Variants in PTK2 observed in about 807,000 individuals in gnomAD.
The protein encoded by PTK2 is focal adhesion kinase 1.
In PTK2, 45 loss-of-function variants were observed where a neutral mutation model predicts 150.1. The ratio of observed to expected loss-of-function variants is 0.30; its 90% CI spans 0.24 to 0.38. The LOEUF is 0.38. Ranked by LOEUF, PTK2 falls within the 10% of genes least tolerant of loss-of-function variation. PTK2 has a pLI of 1.00. For missense variants in PTK2, 919 were observed against 1,307.3 expected (o/e 0.70, Z 4.58); for synonymous variants, 432 against 449.2 (o/e 0.96, Z 0.48).
At chr8:140,938,663 A>C (rs2100174573) in intron 1 of PTK2, among the ~76,000 whole-genome samples, 1 of 152,188 alleles carries the variant, frequency 6.6e-6, no homozygotes, top group African/African-American at 2.4e-5. Flanking sequence ...TACAAAACAA[A>C]GAGCTTCAGC....
chr8:140,680,113 T>C (rs988114042), intron 27 of PTK2, among the ~76,000 whole-genome samples: 2 of 152,188 alleles, frequency 1.3e-5, no homozygotes, highest in African/African-American at 2.4e-5. Flanking sequence ...ACACAGTACC[T>C]TGTAGTACTA....
intron 29 of PTK2, chr8:140,669,332 T>TACAC (rs1337324992): frequency 1.4e-5 from 2 of 138,184 alleles, no homozygotes; most frequent in African/African-American, 5.5e-5. Flanking sequence ...TATATATATA[T>TACAC]ATATATATAC....
chr8:140,681,436 A>T (rs187088098), intron 27 of PTK2, among the ~76,000 whole-genome samples: 2 of 151,442 alleles, frequency 1.3e-5, no homozygotes, highest in East Asian at 3.9e-4. Flanking sequence ...GAGCCAACCA[A>T]CCCCAAACTG....
intron 27 of PTK2, among the ~76,000 whole-genome samples, chr8:140,677,964 G>A (rs906179759): frequency 4.0e-5 from 6 of 151,498 alleles, no homozygotes; most frequent in Admixed American, 6.6e-5. Context: ...AGTATATTCT[G>A]TGTTCTGTTA....
chr8:140,889,783 A>C (rs1244594791), intron 3 of PTK2, among the ~76,000 whole-genome samples: 1 of 152,188 alleles, frequency 6.6e-6, no homozygotes, highest in Non-Finnish European at 1.5e-5. Context: ...GAACATTTAA[A>C]TACTGAACTC....
intron 5 of PTK2, among the ~76,000 whole-genome samples, chr8:140,856,005 G>A (rs1362394819): frequency 6.6e-6 from 1 of 152,090 alleles, no homozygotes; most frequent in Admixed American, 6.6e-5. Context: ...AATACATATT[G>A]TACAAAAAGG....
chr8:140,676,528 T>G (rs2153436417), intron 27 of PTK2, among the ~76,000 whole-genome samples: 1 of 148,484 alleles, frequency 6.7e-6, no homozygotes, highest in South Asian at 2.1e-4. Flanking sequence ...TTCTCATAAG[T>G]TGGAGCTAAA....
chr8:140,857,473 T>C (rs1044346361), intron 5 of PTK2, among the ~76,000 whole-genome samples: 2 of 152,220 alleles, frequency 1.3e-5, no homozygotes, highest in Non-Finnish European at 2.9e-5. Flanking sequence ...GACTTAGGAT[T>C]CCAACAGTAT....
chr8:140,789,556 C>T (rs1431459496), intron 13 of PTK2, 30 bp from the exon 14 acceptor site: 1 of 1,607,450 alleles, frequency 6.2e-7, no homozygotes, highest in African/African-American at 1.3e-5. Context: ...AGCTGTAAGC[C>T]CTGCAATTTC....
At chr8:140,743,102 G>T (rs2100056654) in intron 20 of PTK2, 128 bp downstream of exon 23, 6 of 639,670 alleles carry the variant, frequency 9.4e-6, no homozygotes, top group Non-Finnish European at 1.6e-5. Context: ...TGAGAAGGCT[G>T]TCGCTTCCTC....
intron 1 of PTK2, among the ~76,000 whole-genome samples, chr8:140,949,651 AC>A (rs2100178843): frequency 6.6e-6 from 1 of 152,212 alleles, no homozygotes; most frequent in South Asian, 2.1e-4. Flanking sequence ...TTGGGCACTG[AC>A]AAGCACGGGA....
At chr8:140,794,041 C>T (rs1459427406) in intron 12 of PTK2, among the ~76,000 whole-genome samples, 3 of 152,152 alleles carry the variant, frequency 2.0e-5, no homozygotes, top group Non-Finnish European at 4.4e-5. Context: ...TTTCCCTCAG[C>T]CTTCATTTCG....
intron 14 of PTK2, among the ~76,000 whole-genome samples, chr8:140,787,311 G>C (rs2100085524): frequency 6.6e-6 from 1 of 152,112 alleles, no homozygotes. Context: ...AGCCTCTCTG[G>C]AACATAGTCT....
At chr8:140,831,549 C>T (rs886199092) in intron 7 of PTK2, among the ~76,000 whole-genome samples, 10 of 152,206 alleles carry the variant, frequency 6.6e-5, no homozygotes, top group African/African-American at 1.7e-4. Flanking sequence ...TTTTAAATCC[C>T]TTATTCTATA....
intron 30 of PTK2, among the ~76,000 whole-genome samples, chr8:140,667,913 T>C (rs1237879797): frequency 6.6e-6 from 1 of 152,164 alleles, no homozygotes; most frequent in Non-Finnish European, 1.5e-5. Context: ...TTACACAGGA[T>C]TATTTTGCAT....
chr8:140,702,456 C>T (rs2100031181), intron 25 of PTK2, 114 bp downstream of exon 28: 1 of 1,317,096 alleles, frequency 7.6e-7, no homozygotes, highest in East Asian at 2.4e-5. Context: ...GGGGCTCAAG[C>T]AATCCTCCTA....
chr8:140,888,515 T>C (rs538691678), intron 3 of PTK2, among the ~76,000 whole-genome samples: 2 of 152,348 alleles, frequency 1.3e-5, no homozygotes, highest in South Asian at 4.1e-4. Flanking sequence ...CCACATAGAT[T>C]TGATCAGATT....
At chr8:140,900,820 GACA>G (rs2100158167) in intron 2 of PTK2, among the ~76,000 whole-genome samples, 5 of 151,802 alleles carry the variant, frequency 3.3e-5, no homozygotes, top group Admixed American at 3.3e-4. Flanking sequence ...TTGTTAAAAT[GACA>G]ACAATACCCA....
At chr8:140,982,809 G>A (rs2100191945) in intron 1 of PTK2, among the ~76,000 whole-genome samples, 1 of 152,152 alleles carries the variant, frequency 6.6e-6, no homozygotes, top group South Asian at 2.1e-4. Flanking sequence ...GTATGAACCA[G>A]TACCTTTAAA....
Sources: allele counts gnomAD v4.1 joint callset (sites outside exome capture counted in the v4.1 genomes callset), GRCh38; gene constraint gnomAD v4.1.1; transcripts MANE v1.5; gene names NCBI Gene and HGNC (gene_info 2026-07-23, HGNC 2026-07-21).